ERAP1: variants seen among roughly 807,000 people sequenced by gnomAD.
The protein encoded by ERAP1 is endoplasmic reticulum aminopeptidase 1, also known as adipocyte-derived leucine aminopeptidase.
Under a neutral mutation model 103.7 loss-of-function variants are expected in ERAP1, and 86 were observed. The ratio of observed to expected loss-of-function variants is 0.83; its 90% confidence interval spans 0.70 to 0.99. The LOEUF (loss-of-function observed/expected upper bound fraction) is 0.99. Among genes scored for constraint, ERAP1 ranks in the 50% least tolerant of loss-of-function variants. The pLI, the probability that ERAP1 is intolerant of heterozygous loss-of-function variation, is 0.00. For synonymous variants in ERAP1, 398 were observed against 402.4 expected (o/e 0.99, Z 0.13); for missense variants, 1,009 against 1,128.4 (o/e 0.89, Z 1.52).
chr5:96,785,352 G>T, intron 13 of ERAP1: 1 of 215,952 alleles, frequency 4.6e-6, no homozygotes. Flanking sequence ...CCCAAGAAAT[G>T]TAATGCAAAC....
the ERAP1 span, among the ~76,000 whole-genome samples, chr5:96,860,629 T>C: frequency 6.6e-6 from 1 of 151,962 alleles, no homozygotes; most frequent in African/African-American, 2.4e-5. Flanking sequence ...GGTAACCCAG[T>C]TGAGTGTAAG....
At chr5:96,909,904 C>G in the ERAP1 span, 1 of 776,086 alleles carries the variant, frequency 1.3e-6, no homozygotes, top group Non-Finnish European at 2.0e-6. Context: ...CTGTTTCATG[C>G]TCTCACATTG....
In ERAP1 at chr5:96,790,509, C is replaced by T; in HGVS notation, c.1452+3G>A. ...ATGCAGAGATATTCAAAAACATACT[C>T]ACACTTGCCATACTATCCCACAGGT... On this transcript the variant is annotated splice_donor_region_variant and intron_variant, in intron 9 of 18. Transcript: ENST00000443439. 1 of 1,613,804 alleles carries T rather than the reference C, an allele frequency of 6.2e-7. No individual in the cohort carries two copies.
chr5:96,833,449 T>C, the ERAP1 span, among the ~76,000 whole-genome samples: 623 of 152,354 alleles, frequency 4.1e-3, 5 homozygotes, highest in African/African-American at 0.014. Flanking sequence ...TGTGGTTATA[T>C]TGGTGATCAA....
chr5:96,907,711 G>A, the ERAP1 span, among the ~76,000 whole-genome samples: 6 of 151,880 alleles, frequency 4.0e-5, no homozygotes, highest in South Asian at 2.1e-4. Flanking sequence ...GTGAAATCCC[G>A]TCTCTACTAA....
chr5:96,917,552 T>C, the ERAP1 span: 3 of 1,613,794 alleles, frequency 1.9e-6, no homozygotes, highest in Admixed American at 1.7e-5. Context: ...AAATATAAAA[T>C]GGCTGGAGAA....
chr5:96,785,754 G>T, intron 13 of ERAP1, 34 bp downstream of exon 13: 1 of 1,610,318 alleles, frequency 6.2e-7, no homozygotes, highest in South Asian at 1.1e-5. Context: ...GCTGCTTTCA[G>T]AAATAAACCG....
At chr5:96,764,105 T>C (rs1299402085) in intron 19 of ERAP1, among the ~76,000 whole-genome samples, 4 of 152,198 alleles carry the variant, frequency 2.6e-5, no homozygotes, top group Non-Finnish European at 5.9e-5. Context: ...TCTTATACAA[T>C]GTAGATATTA....
At chr5:96,798,871 C>CTTTTG (rs529618098) in intron 3 of ERAP1, among the ~76,000 whole-genome samples, 3 of 124,878 alleles carry the variant, frequency 2.4e-5, no homozygotes, top group Admixed American at 8.5e-5. Context: ...CAAAAATTTC[C>CTTTTG]TTTTTTTTTT....
chr5:96,796,234 T>G (rs944976126), intron 4 of ERAP1, among the ~76,000 whole-genome samples: 5 of 152,186 alleles, frequency 3.3e-5, no homozygotes, highest in Admixed American at 2.6e-4. Flanking sequence ...CACAAACACA[T>G]AAGGTATCTT....
At chr5:96,931,621 T>C in the ERAP1 span, among the ~76,000 whole-genome samples, 3 of 152,332 alleles carry the variant, frequency 2.0e-5, no homozygotes, top group Admixed American at 2.0e-4. Flanking sequence ...TAACCTCATT[T>C]TCATTTCCAG....
At chr5:96,882,318 G>T in the ERAP1 span, among the ~76,000 whole-genome samples, 1,866 of 152,272 alleles carry the variant, frequency 0.012, 18 homozygotes, top group Non-Finnish European at 0.018. Flanking sequence ...GGAGATGAGA[G>T]GGGGAGATAT....
chr5:96,803,046 C>T (rs1325751841), intron 2 of ERAP1, among the ~76,000 whole-genome samples: 8 of 152,034 alleles, frequency 5.3e-5, no homozygotes, highest in Admixed American at 3.9e-4. Context: ...AGAGAGAATA[C>T]ATTTTGTTGT....
the ERAP1 span, among the ~76,000 whole-genome samples, chr5:96,818,753 G>C: frequency 6.6e-6 from 1 of 152,048 alleles, no homozygotes; most frequent in Admixed American, 6.5e-5. Flanking sequence ...ACAAACCACA[G>C]TCTCAATCTT....
chr5:96,797,444 TG>T (rs1777468709), intron 3 of ERAP1, 135 bp from the exon 4 acceptor site: 1 of 936,222 alleles, frequency 1.1e-6, no homozygotes, highest in Non-Finnish European at 1.7e-6. Flanking sequence ...GTAGGCAGAA[TG>T]CTTGAGCTCA....
At chr5:96,891,074 T>C in the ERAP1 span, among the ~76,000 whole-genome samples, 9 of 152,296 alleles carry the variant, frequency 5.9e-5, no homozygotes, top group South Asian at 1.7e-3. Flanking sequence ...CGAATACTAA[T>C]CTTTATTAGC....
the ERAP1 span, among the ~76,000 whole-genome samples, chr5:96,888,749 G>A: frequency 1.3e-5 from 2 of 152,192 alleles, no homozygotes; most frequent in African/African-American, 4.8e-5. Flanking sequence ...TTGACAGAGG[G>A]CGGATCCAAT....
At chr5:96,820,369 C>T in the ERAP1 span, among the ~76,000 whole-genome samples, 1 of 152,064 alleles carries the variant, frequency 6.6e-6, no homozygotes, top group East Asian at 1.9e-4. Context: ...ACTGGAAATT[C>T]ATCCCTAATT....
intron 18 of ERAP1, among the ~76,000 whole-genome samples, chr5:96,779,842 C>G (rs1774897236): frequency 6.6e-6 from 1 of 152,204 alleles, no homozygotes; most frequent in Admixed American, 6.5e-5. Context: ...TTTTCCTTGA[C>G]TTCCAGGAAT....
Sources: allele counts gnomAD v4.1 joint callset (sites outside exome capture counted in the v4.1 genomes callset), GRCh38; gene constraint gnomAD v4.1.1; transcripts MANE v1.5; gene names NCBI Gene and HGNC (gene_info 2026-07-23, HGNC 2026-07-21).